KCNT2: variants seen among roughly 807,000 people sequenced by gnomAD.
KCNT2 encodes potassium sodium-activated channel subfamily T member 2.
Under a neutral mutation model 153.8 loss-of-function variants are expected in KCNT2, and 67 were observed. The observed-to-expected ratio is 0.44, with a 90% CI of 0.36 to 0.53. The LOEUF (loss-of-function observed/expected upper bound fraction) is 0.53. Among genes scored for constraint, KCNT2 ranks in the 20% least tolerant of loss-of-function variants. The probability of loss-of-function intolerance (pLI) is 0.00; values close to 1 mark genes in which losing one functional copy is unlikely to be tolerated. For missense variants in KCNT2, 975 were observed against 1,354.8 expected, an observed-to-expected ratio of 0.72 and a Z score of 4.40; for synonymous variants, 500 against 458.8, an observed-to-expected ratio of 1.09 and a Z score of -1.15.
At chr1:196,507,013 A>G (rs994826735) in intron 1 of KCNT2, among the ~76,000 whole-genome samples, 4 of 152,108 alleles carry the variant, frequency 2.6e-5, no homozygotes, top group African/African-American at 9.6e-5. Flanking sequence ...AAACATCTAT[A>G]TTTTACAAAA....
At chr1:196,302,954 A>C (rs1661320400) in intron 22 of KCNT2, among the ~76,000 whole-genome samples, 1 of 151,734 alleles carries the variant, frequency 6.6e-6, no homozygotes, top group South Asian at 2.1e-4. Flanking sequence ...ATGTTGATGT[A>C]TTGAGTTTCT....
At chr1:196,326,689 T>G (rs770057016) in intron 19 of KCNT2, 28 bp downstream of exon 19, 31 of 1,354,272 alleles carry the variant, frequency 2.3e-5, no homozygotes, top group Non-Finnish European at 3.1e-5. Flanking sequence ...ACAGTTTATC[T>G]TGTTTGTGTA....
chr1:196,494,237 T>C (rs1680073288), intron 1 of KCNT2, among the ~76,000 whole-genome samples: 1 of 152,222 alleles, frequency 6.6e-6, no homozygotes, highest in Admixed American at 6.5e-5. Context: ...AGTTGAAATT[T>C]GTTATGGCTA....
chr1:196,511,195 G>A (rs1272505350), intron 1 of KCNT2, among the ~76,000 whole-genome samples: 2 of 150,648 alleles, frequency 1.3e-5, no homozygotes, highest in Middle Eastern at 3.4e-3. Context: ...AAAAAGTAAG[G>A]GAAGTCCTTA....
At chr1:196,507,776 A>G (rs1028557654) in intron 1 of KCNT2, among the ~76,000 whole-genome samples, 1 of 152,160 alleles carries the variant, frequency 6.6e-6, no homozygotes, top group African/African-American at 2.4e-5. Flanking sequence ...AACGGTCAAT[A>G]TAATTTAAGT....
chr1:196,601,422 T>C (rs1323104233), intron 1 of KCNT2, among the ~76,000 whole-genome samples: 1 of 152,206 alleles, frequency 6.6e-6, no homozygotes, highest in Non-Finnish European at 1.5e-5. Context: ...CTGAACTAGG[T>C]CTATTTTGCT....
Position 196,414,448 on chromosome 1 carries a change from C to T in KCNT2, c.1185+8602G>A, listed in dbSNP as rs186097810. On this transcript the variant is annotated intron_variant, in intron 12 of 27. Transcript: ENST00000294725. ...CACATTGTTATTCTTGGAATTGAGG[C>T]TATGGGAAGAAAAAGAATTTTGTTT... Among the ~76,000 whole-genome samples the T allele has an allele frequency of 1.2e-3, 177 of 151,850 alleles. 2 individuals carry two copies. Among genetic ancestry groups the T allele is most frequent in the African/African-American group, 4.1e-3 (172 of 41,530 alleles).
intron 1 of KCNT2, among the ~76,000 whole-genome samples, chr1:196,538,859 C>T (rs1229734874): frequency 6.6e-6 from 1 of 152,176 alleles, no homozygotes; most frequent in Non-Finnish European, 1.5e-5. Flanking sequence ...CTAACTTCTG[C>T]TTATTATCCT....
chr1:196,399,666 A>C (rs559805899), intron 12 of KCNT2, among the ~76,000 whole-genome samples: 1 of 151,888 alleles, frequency 6.6e-6, no homozygotes, highest in African/African-American at 2.4e-5. Flanking sequence ...TTATGGTTGG[A>C]AACTGCTATA....
chr1:196,389,253 T>G (rs1196307825), intron 13 of KCNT2, among the ~76,000 whole-genome samples: 1 of 151,802 alleles, frequency 6.6e-6, no homozygotes, highest in Non-Finnish European at 1.5e-5. Context: ...GTTGGAAGAT[T>G]TTTGCATCTG....
chr1:196,268,713 A>G (rs959756564), intron 25 of KCNT2, among the ~76,000 whole-genome samples: 2 of 152,024 alleles, frequency 1.3e-5, no homozygotes, highest in African/African-American at 2.4e-5. Context: ...ATGCATGAGA[A>G]ACCTCACCCA....
intron 12 of KCNT2, among the ~76,000 whole-genome samples, chr1:196,421,729 CA>C (rs149934881): frequency 0.014 from 2,105 of 152,152 alleles, 50 homozygotes; most frequent in African/African-American, 0.047. Context: ...CAAAGTACCA[CA>C]ACCTGAATGG....
intron 11 of KCNT2, among the ~76,000 whole-genome samples, chr1:196,424,028 T>C (rs1673437979): frequency 6.6e-6 from 1 of 151,882 alleles, no homozygotes; most frequent in Non-Finnish European, 1.5e-5. Context: ...GAAATGAACA[T>C]AAAAATGGAT....
intron 8 of KCNT2, among the ~76,000 whole-genome samples, chr1:196,461,735 G>GT: frequency 6.6e-6 from 1 of 151,806 alleles, no homozygotes; most frequent in African/African-American, 2.4e-5. Flanking sequence ...CTGCCAATAT[G>GT]TGGACAGATT....
intron 1 of KCNT2, among the ~76,000 whole-genome samples, chr1:196,513,933 A>G (rs1280383472): frequency 1.3e-5 from 2 of 152,208 alleles, no homozygotes; most frequent in Non-Finnish European, 2.9e-5. Flanking sequence ...CTCTTAGAGC[A>G]AAGTAGAAGC....
rs117398755 is a variant in KCNT2 at position 196,336,272 on chromosome 1, T to C, written c.1784-2212A>G. Among the ~76,000 whole-genome samples the C allele has an allele frequency of 8.1e-4, 124 of 152,208 alleles. 3 individuals carry two copies. In the East Asian group the frequency reaches 0.022, roughly 27 times the overall value. ...AGTCCTTCACTCTCATGGCCACACC[T>C]TAGCTTTTGTAATTATTACTTGCTG... On this transcript the variant is annotated intron_variant, in intron 16 of 27. Coordinates refer to ENST00000294725, the MANE Select transcript of KCNT2 (RefSeq NM_198503.5).
At chr1:196,605,150 C>G (rs77484936) in intron 1 of KCNT2, among the ~76,000 whole-genome samples, 1 of 152,196 alleles carries the variant, frequency 6.6e-6, no homozygotes, top group Non-Finnish European at 1.5e-5. Context: ...ACATTTGGAA[C>G]ACAATTCCCC....
At chr1:196,271,460 G>A (rs537875920) in intron 25 of KCNT2, among the ~76,000 whole-genome samples, 30 of 152,078 alleles carry the variant, frequency 2.0e-4, no homozygotes, top group African/African-American at 4.1e-4. Context: ...CCATGACTAC[G>A]TAGTTAAATT....
chr1:196,555,554 T>C (rs1161281164), intron 1 of KCNT2, among the ~76,000 whole-genome samples: 1 of 151,454 alleles, frequency 6.6e-6, no homozygotes, highest in Non-Finnish European at 1.5e-5. Context: ...GAAGAATCAA[T>C]ATTGTTAAAA....
Sources: allele counts gnomAD v4.1 joint callset (sites outside exome capture counted in the v4.1 genomes callset), GRCh38; gene constraint gnomAD v4.1.1; transcripts MANE v1.5; gene names NCBI Gene and HGNC (gene_info 2026-07-23, HGNC 2026-07-21).